CD247: variants seen among roughly 807,000 people sequenced by gnomAD.
CD247 encodes the protein CD247 molecule, also known as T-cell surface glycoprotein CD3 zeta chain.
In CD247, 13 loss-of-function variants were observed where a neutral mutation model predicts 30.0. That is an observed-to-expected ratio of 0.43 (90% confidence interval 0.28 to 0.69). The LOEUF is 0.69. Among genes scored for constraint, CD247 ranks in the 30% least tolerant of loss-of-function variants. CD247 has a pLI of 0.16. For missense variants in CD247, 193 were observed against 212.6 expected, an observed-to-expected ratio of 0.91 and a Z score of 0.57; for synonymous variants, 72 against 80.0, an observed-to-expected ratio of 0.90 and a Z score of 0.53.
chr1:167,442,687 T>C (rs944543806), intron 1 of CD247, among the ~76,000 whole-genome samples: 1 of 152,130 alleles, frequency 6.6e-6, no homozygotes, highest in Non-Finnish European at 1.5e-5. Context: ...TGACGAACTA[T>C]GGAAGCAGAT....
chr1:167,446,515 G>A (rs1652084487), intron 1 of CD247, among the ~76,000 whole-genome samples: 1 of 152,178 alleles, frequency 6.6e-6, no homozygotes, highest in Non-Finnish European at 1.5e-5. Context: ...AGAGAAATGA[G>A]GTAAAGTTTG....
intron 4 of CD247, 69 bp from the exon 5 acceptor site, chr1:167,435,503 C>T: frequency 1.6e-6 from 2 of 1,223,842 alleles, no homozygotes; most frequent in Non-Finnish European, 2.4e-6. Flanking sequence ...GTACAGCAAA[C>T]CCCATCCTGC....
chr1:167,508,141 T>C (rs1037831447), intron 1 of CD247, among the ~76,000 whole-genome samples: 4 of 152,166 alleles, frequency 2.6e-5, no homozygotes, highest in Admixed American at 1.3e-4. Context: ...TGGCTATAAC[T>C]CTATTCACAG....
At chr1:167,517,709 G>A (rs1655672291) in intron 1 of CD247, among the ~76,000 whole-genome samples, 2 of 152,308 alleles carry the variant, frequency 1.3e-5, no homozygotes, top group African/African-American at 2.4e-5. Context: ...GCAGGCTGGG[G>A]TGAGTCACGG....
intron 1 of CD247, among the ~76,000 whole-genome samples, chr1:167,517,562 G>A (rs1021829806): frequency 6.6e-6 from 1 of 152,224 alleles, no homozygotes; most frequent in Non-Finnish European, 1.5e-5. Context: ...TCCCACGATC[G>A]GGAATGAGGT....
intron 7 of CD247, among the ~76,000 whole-genome samples, chr1:167,432,240 C>G (rs547627067): frequency 6.6e-6 from 1 of 152,178 alleles, no homozygotes; most frequent in Non-Finnish European, 1.5e-5. Flanking sequence ...TTCCCAGGCC[C>G]GGTGATTCTA....
chr1:167,501,319 A>G (rs1304589799), intron 1 of CD247, among the ~76,000 whole-genome samples: 1 of 151,806 alleles, frequency 6.6e-6, no homozygotes, highest in African/African-American at 2.4e-5. Context: ...TCGGCCTCCC[A>G]AAGTGTTGGG....
At chr1:167,517,362 C>T (rs1571610878) in intron 1 of CD247, among the ~76,000 whole-genome samples, 1 of 152,322 alleles carries the variant, frequency 6.6e-6, no homozygotes, top group East Asian at 1.9e-4. Flanking sequence ...ATCAGGTGGG[C>T]CGAGGACATT....
intron 1 of CD247, among the ~76,000 whole-genome samples, chr1:167,505,232 G>A (rs1655066995): frequency 6.6e-6 from 1 of 152,094 alleles, no homozygotes; most frequent in African/African-American, 2.4e-5. Context: ...CTGGGCTCAA[G>A]CAATCCTCCT....
intron 1 of CD247, among the ~76,000 whole-genome samples, chr1:167,446,051 C>T (rs920850586): frequency 6.6e-6 from 1 of 152,162 alleles, no homozygotes; most frequent in African/African-American, 2.4e-5. Context: ...CCAAGGACAC[C>T]TGCAGGTTAG....
rs138738209 is a variant in CD247, at chr1:167,433,974, G to C, written c.393+46C>G. 8.4e-4 allele frequency: 1,292 copies of C among 1,534,134 alleles called. 6 individuals are homozygous for C. The Middle Eastern group carries it at 0.018, about 21-fold the overall frequency. ...GAGGCCTGCAGCAGGCGTGTCTGGAGGACCAAGAGGAACTCCCTCGGAAAT... is the reference window on the plus strand; with the variant it reads ...GAGGCCTGCAGCAGGCGTGTCTGGACGACCAAGAGGAACTCCCTCGGAAAT... On this transcript the variant is annotated intron_variant, in intron 6 of 7. Transcript: ENST00000362089.
chr1:167,479,931 G>C (rs1251132520), intron 1 of CD247, among the ~76,000 whole-genome samples: 1 of 152,212 alleles, frequency 6.6e-6, no homozygotes, highest in Non-Finnish European at 1.5e-5. Context: ...TGACTGCAGA[G>C]CCACATTTTC....
intron 7 of CD247, among the ~76,000 whole-genome samples, chr1:167,432,142 C>T (rs1651302237): frequency 6.6e-6 from 1 of 152,228 alleles, no homozygotes; most frequent in South Asian, 2.1e-4. Flanking sequence ...AATCTGCTGT[C>T]CCTGACACCT....
chr1:167,518,310 A>G, intron 1 of CD247, 98 bp downstream of exon 1: 1 of 1,117,392 alleles, frequency 8.9e-7, no homozygotes, highest in Non-Finnish European at 1.4e-6. Context: ...TTTGAAGGAG[A>G]CCCCAGCCCC....
intron 1 of CD247, among the ~76,000 whole-genome samples, chr1:167,517,136 C>T (rs1655641367): frequency 6.6e-6 from 1 of 152,238 alleles, no homozygotes; most frequent in Non-Finnish European, 1.5e-5. Flanking sequence ...CACTCTGCCA[C>T]ACTGTGTGTG....
chr1:167,511,977 A>G (rs1319894968), intron 1 of CD247, among the ~76,000 whole-genome samples: 1 of 152,202 alleles, frequency 6.6e-6, no homozygotes, highest in Non-Finnish European at 1.5e-5. Flanking sequence ...GGCTGCACTC[A>G]GAGAACGGCG....
intron 1 of CD247, among the ~76,000 whole-genome samples, chr1:167,447,781 A>C (rs1415472277): frequency 6.6e-6 from 1 of 152,196 alleles, no homozygotes; most frequent in East Asian, 1.9e-4. Flanking sequence ...CTCATGATCC[A>C]GGTAGGAGTG....
At chr1:167,434,208 C>T (rs1289943444) in intron 5 of CD247, 132 bp from the exon 6 acceptor site, 21 of 814,310 alleles carry the variant, frequency 2.6e-5, no homozygotes, top group Non-Finnish European at 4.1e-5. Context: ...ACAATCAAGG[C>T]TCCAAACCTT....
At chr1:167,492,034 C>G (rs576702768) in intron 1 of CD247, among the ~76,000 whole-genome samples, 1 of 152,224 alleles carries the variant, frequency 6.6e-6, no homozygotes, top group East Asian at 1.9e-4. Context: ...GAAAAGAATT[C>G]TAGAGACGGA....
Sources: allele counts gnomAD v4.1 joint callset (sites outside exome capture counted in the v4.1 genomes callset), GRCh38; gene constraint gnomAD v4.1.1; transcripts MANE v1.5; gene names NCBI Gene and HGNC (gene_info 2026-07-23, HGNC 2026-07-21).